PDE4D: variants seen among roughly 807,000 people sequenced by gnomAD.
PDE4D encodes the protein phosphodiesterase 4D.
In PDE4D, 24 loss-of-function variants were observed where a neutral mutation model predicts 87.4. The ratio of observed to expected loss-of-function variants is 0.27; its 90% CI spans 0.20 to 0.39. The LOEUF (loss-of-function observed/expected upper bound fraction) is 0.39. PDE4D is among the 10% of genes least tolerant of loss of function. The probability of loss-of-function intolerance (pLI) is 1.00; values close to 1 mark genes in which losing one functional copy is unlikely to be tolerated. For synonymous variants in PDE4D, 384 were observed against 383.2 expected, an observed-to-expected ratio of 1.00 and a Z score of -0.02; for missense variants, 714 against 1,041.0, an observed-to-expected ratio of 0.69 and a Z score of 4.32.
intron 1 of PDE4D, among the ~76,000 whole-genome samples, chr5:59,329,218 A>G (rs1268856849): frequency 6.6e-6 from 1 of 151,898 alleles, no homozygotes; most frequent in Non-Finnish European, 1.5e-5. Context: ...CACCTAATGG[A>G]AAAGGAAGTC....
At chr5:59,119,448 G>C (rs893236574) in intron 5 of PDE4D, among the ~76,000 whole-genome samples, 11 of 152,202 alleles carry the variant, frequency 7.2e-5, no homozygotes, top group African/African-American at 2.7e-4. Context: ...GCAAAAGTAA[G>C]TTCTAACACC....
intron 1 of PDE4D, among the ~76,000 whole-genome samples, chr5:59,494,854 C>A (rs139407248): frequency 8.5e-5 from 13 of 152,260 alleles, no homozygotes; most frequent in African/African-American, 3.1e-4. Context: ...GAGCCCAAAC[C>A]TTATTCCTCA....
chr5:60,176,410 C>T (rs1182415069), intron 2 of PDE4D, among the ~76,000 whole-genome samples: 14 of 151,980 alleles, frequency 9.2e-5, no homozygotes, highest in East Asian at 1.9e-4. Context: ...AGAATGAGAA[C>T]GACACTCTGA....
chr5:60,201,010 G>A (rs1337065419), intron 1 of PDE4D, among the ~76,000 whole-genome samples: 3 of 151,928 alleles, frequency 2.0e-5, no homozygotes, highest in Non-Finnish European at 4.4e-5. Context: ...AGTGATCAAA[G>A]ATGGAAGACA....
At chr5:60,055,628 A>G (rs1770690376) in intron 2 of PDE4D, among the ~76,000 whole-genome samples, 1 of 152,144 alleles carries the variant, frequency 6.6e-6, no homozygotes, top group Admixed American at 6.6e-5. Flanking sequence ...TGTACTAAGC[A>G]CTTTCATATA....
At chr5:59,767,940 T>C (rs1485722094) in intron 1 of PDE4D, among the ~76,000 whole-genome samples, 1 of 152,186 alleles carries the variant, frequency 6.6e-6, no homozygotes, top group Non-Finnish European at 1.5e-5. Context: ...GAAACGCCAC[T>C]ACGTACGTAT....
chr5:59,531,498 A>G (rs1814211196), intron 1 of PDE4D, among the ~76,000 whole-genome samples: 1 of 152,200 alleles, frequency 6.6e-6, no homozygotes, highest in South Asian at 2.1e-4. Flanking sequence ...TTTAACAATT[A>G]AAATGTATCA....
chr5:60,452,143 T>C (rs1470351746), intron 1 of PDE4D, among the ~76,000 whole-genome samples: 1 of 152,082 alleles, frequency 6.6e-6, no homozygotes, highest in African/African-American at 2.4e-5. Context: ...AGCCTCAGGA[T>C]TTGGATGTCC....
At chr5:59,506,045 G>A (rs1413854494) in intron 1 of PDE4D, among the ~76,000 whole-genome samples, 1 of 151,890 alleles carries the variant, frequency 6.6e-6, no homozygotes, top group Admixed American at 6.6e-5. Context: ...GATATTCTGG[G>A]AACCGTGAGA....
chr5:59,292,441 C>T lies in PDE4D; in HGVS notation c.456-76473G>A, dbSNP rs750525044. 1.3e-4 allele frequency among the ~76,000 whole-genome samples: 20 copies of T among 152,104 alleles called. 1 individual carries two copies. In the East Asian group the frequency reaches 1.7e-3, roughly 13 times the overall value. On this transcript the variant is annotated intron_variant, in intron 1 of 14. Transcript: ENST00000340635. The stretch of plus-strand genomic sequence containing the variant: ...ATTAACATGGACCCACTTTCCACAA[C>T]GTAGATTATTTTTGCTATCAACAGT...
chr5:59,249,835 G>T (rs889339483), intron 1 of PDE4D, among the ~76,000 whole-genome samples: 1 of 151,672 alleles, frequency 6.6e-6, no homozygotes, highest in Non-Finnish European at 1.5e-5. Context: ...TTTTCTATAC[G>T]TGTGTCGTAT....
chr5:60,133,832 T>C (rs954066960), intron 2 of PDE4D, among the ~76,000 whole-genome samples: 7 of 152,332 alleles, frequency 4.6e-5, no homozygotes, highest in Admixed American at 2.0e-4. Context: ...TACCATTTAG[T>C]AGTTTTTAAC....
rs1483521573 is a variant in PDE4D at position 58,974,733 on chromosome 5, C to T, written c.2361G>A (p.Glu787=). The change falls in exon 15 of 15, where the codon GAG becomes GAA. Residue 787 remains glutamate, a synonymous_variant. Coordinates refer to ENST00000340635, the MANE Select transcript of PDE4D (RefSeq NM_001104631.2). ...GGCTTTCCTCTTCTTCCCCTACTGCCTCCTCTTCAACCTGTTCATCAAGGG... is the reference window on the plus strand; with the variant it reads ...GGCTTTCCTCTTCTTCCCCTACTGCTTCCTCTTCAACCTGTTCATCAAGGG... ...EIPLDEQVEE[E]AVGEEEESQP... The T allele has an allele frequency of 1.9e-6, 3 of 1,613,022 alleles. No homozygotes were observed. The highest frequency in any genetic ancestry group is 3.3e-5 in the Admixed American group (2 of 59,954).
intron 5 of PDE4D, among the ~76,000 whole-genome samples, chr5:59,059,991 A>G (rs1762896374): frequency 6.6e-6 from 1 of 152,190 alleles, no homozygotes. Flanking sequence ...CTTGGTTGCC[A>G]GGTGTTGCCA....
At chr5:59,292,417 T>C (rs1409071322) in intron 1 of PDE4D, among the ~76,000 whole-genome samples, 2 of 152,144 alleles carry the variant, frequency 1.3e-5, no homozygotes, top group Non-Finnish European at 2.9e-5. Context: ...ATCTAACATA[T>C]TAACATGGAC....
In PDE4D at chr5:59,157,917, A is replaced by G. The variant is rs1780489888; in HGVS notation, c.808+22678T>C. Among the ~76,000 whole-genome samples, 3 of 152,226 alleles carry G rather than the reference A, an allele frequency of 2.0e-5. No homozygotes were observed. The South Asian group carries it at 6.2e-4, about 31-fold the overall frequency. On this transcript the variant is annotated intron_variant, in intron 5 of 14. Transcript: ENST00000340635. ...GGACAGAAAAACATTTTAAAAATCC[A>G]GTTTAATTCAGAGGATAGTTAGAGA...
intron 3 of PDE4D, among the ~76,000 whole-genome samples, chr5:59,970,923 C>T (rs1168797866): frequency 2.0e-5 from 3 of 149,538 alleles, no homozygotes; most frequent in African/African-American, 7.4e-5. Context: ...TTTATTGTGG[C>T]ACTATTCACA....
At chr5:59,548,721 A>G (rs1040306549) in intron 1 of PDE4D, among the ~76,000 whole-genome samples, 2 of 152,088 alleles carry the variant, frequency 1.3e-5, no homozygotes, top group African/African-American at 4.8e-5. Flanking sequence ...ATATTTGAGC[A>G]AAGGCCTGAA....
intron 1 of PDE4D, among the ~76,000 whole-genome samples, chr5:59,541,199 C>A (rs558401234): frequency 6.6e-6 from 1 of 152,292 alleles, no homozygotes; most frequent in Admixed American, 6.5e-5. Context: ...CAATAGTACT[C>A]AGAAAATAGA....
Sources: gnomAD v4.1 joint callset for allele counts (sites outside exome capture counted in the v4.1 genomes callset) on GRCh38, gnomAD v4.1.1 for gene constraint, MANE v1.5 for transcripts, NCBI Gene and HGNC (gene_info 2026-07-23, HGNC 2026-07-21) for gene names.